Variants in DIAPH3 observed in about 807,000 individuals in gnomAD.
DIAPH3 encodes diaphanous related formin 3, also known as protein diaphanous homolog 3.
DIAPH3 carries 117 observed loss-of-function variants against 144.3 expected under a neutral mutation model. The ratio of observed to expected loss-of-function variants is 0.81; its 90% CI spans 0.70 to 0.95. DIAPH3 has a LOEUF of 0.95. Among genes scored for constraint, DIAPH3 ranks in the 40% least tolerant of loss-of-function variants. The probability of loss-of-function intolerance (pLI) is 0.00; values close to 1 mark genes in which losing one functional copy is unlikely to be tolerated. For synonymous variants in DIAPH3, 519 were observed against 488.9 expected, an observed-to-expected ratio of 1.06 and a Z score of -0.81; for missense variants, 1,421 against 1,412.7, an observed-to-expected ratio of 1.01 and a Z score of -0.09.
intron 5 of DIAPH3, among the ~76,000 whole-genome samples, chr13:60,024,343 T>A (rs2054239557): frequency 5.9e-5 from 9 of 152,216 alleles, no homozygotes; most frequent in Admixed American, 5.9e-4. Context: ...ATAGTCCAGT[T>A]CACTAATTCT....
chr13:59,748,938 G>T (rs2036840003), intron 27 of DIAPH3, among the ~76,000 whole-genome samples: 1 of 152,110 alleles, frequency 6.6e-6, no homozygotes, highest in South Asian at 2.1e-4. Flanking sequence ...GCCAGGTCAG[G>T]TGCGGTGGCT....
At chr13:59,685,050 C>T (rs2033144131) in intron 27 of DIAPH3, among the ~76,000 whole-genome samples, 1 of 151,930 alleles carries the variant, frequency 6.6e-6, no homozygotes, top group South Asian at 2.1e-4. Context: ...ATGGTAACAG[C>T]AATACACTTA....
intron 5 of DIAPH3, among the ~76,000 whole-genome samples, chr13:60,028,185 C>A (rs2054521497): frequency 6.6e-6 from 1 of 152,128 alleles, no homozygotes; most frequent in African/African-American, 2.4e-5. Flanking sequence ...AGATACCCCT[C>A]AAGTTAGTTC....
At chr13:59,813,839 A>G (rs1486800879) in intron 24 of DIAPH3, among the ~76,000 whole-genome samples, 1 of 150,608 alleles carries the variant, frequency 6.6e-6, no homozygotes, top group Non-Finnish European at 1.5e-5. Context: ...CAGCCTGGCA[A>G]CAGAGCAAGA....
In DIAPH3 at chr13:59,970,176, G is replaced by C. The variant is rs2050279702; in HGVS notation, c.1960-118C>G. ...AGCAGATATTTATAAAGTCGTATCT[G>C]TAAGATTTTTCCCTGAAGTGTGTTC... On this transcript the variant is annotated intron_variant, in intron 16 of 27. Transcript: ENST00000400324. 2.0e-5 allele frequency: 10 copies of C among 494,518 alleles called. No individual in the cohort carries two copies. The East Asian group carries it at 3.5e-4, about 17-fold the overall frequency. The allele number at this position is 494,518 out of a possible 1,614,324, so 30.6% of individuals were successfully genotyped here.
intron 2 of DIAPH3, among the ~76,000 whole-genome samples, chr13:60,132,719 C>T (rs532313437): frequency 1.3e-5 from 2 of 152,204 alleles, no homozygotes; most frequent in South Asian, 4.1e-4. Context: ...TCAAAGTTGA[C>T]TAACAATTTG....
At chr13:59,895,239 G>A (rs1047063481) in intron 20 of DIAPH3, among the ~76,000 whole-genome samples, 1 of 152,016 alleles carries the variant, frequency 6.6e-6, no homozygotes, top group African/African-American at 2.4e-5. Context: ...GGTGATGCTG[G>A]TGGCATATAA....
intron 3 of DIAPH3, among the ~76,000 whole-genome samples, chr13:60,108,922 T>C (rs2058491890): frequency 6.6e-6 from 1 of 152,114 alleles, no homozygotes; most frequent in Non-Finnish European, 1.5e-5. Context: ...TTAGGAAATA[T>C]GATGAGTTCA....
At chr13:59,886,293 G>A (rs1030155275) in intron 20 of DIAPH3, among the ~76,000 whole-genome samples, 3 of 152,008 alleles carry the variant, frequency 2.0e-5, no homozygotes, top group Admixed American at 2.0e-4. Context: ...GAACATCATT[G>A]AATATCAAAT....
chr13:60,157,187 C>T (rs953464956), intron 1 of DIAPH3, among the ~76,000 whole-genome samples: 4 of 151,980 alleles, frequency 2.6e-5, no homozygotes, highest in East Asian at 1.9e-4. Flanking sequence ...TCAAGTGATC[C>T]GCCTGCCTTG....
intron 27 of DIAPH3, among the ~76,000 whole-genome samples, chr13:59,696,433 C>T (rs1345017433): frequency 6.6e-6 from 1 of 152,186 alleles, no homozygotes; most frequent in Non-Finnish European, 1.5e-5. Flanking sequence ...ACATCACAAA[C>T]CTGTTACCAT....
intron 2 of DIAPH3, among the ~76,000 whole-genome samples, chr13:60,115,133 A>C (rs1254985628): frequency 6.6e-6 from 1 of 152,232 alleles, no homozygotes; most frequent in East Asian, 1.9e-4. Context: ...ATATTTATCA[A>C]TACTGTAAGT....
intron 23 of DIAPH3, among the ~76,000 whole-genome samples, chr13:59,833,615 T>A (rs1213410438): frequency 6.6e-6 from 1 of 151,824 alleles, no homozygotes; most frequent in Non-Finnish European, 1.5e-5. Context: ...TGCAGCTGAA[T>A]AATTGCAATG....
At chr13:59,866,117 C>G (rs1419173114) in intron 21 of DIAPH3, among the ~76,000 whole-genome samples, 1 of 151,824 alleles carries the variant, frequency 6.6e-6, no homozygotes, top group African/African-American at 2.4e-5. Context: ...AGAATACAAC[C>G]TGTGAATAAT....
chr13:59,871,973 C>T (rs993593536), intron 21 of DIAPH3, among the ~76,000 whole-genome samples: 4 of 152,122 alleles, frequency 2.6e-5, no homozygotes, highest in Admixed American at 6.6e-5. Flanking sequence ...TTTGTATCTT[C>T]TCTCTTTTTC....
chr13:60,016,744 A>G (rs973979479), intron 5 of DIAPH3, among the ~76,000 whole-genome samples: 1 of 152,256 alleles, frequency 6.6e-6, no homozygotes, highest in Admixed American at 6.5e-5. Flanking sequence ...CAGTTGCTTT[A>G]AAAACAAACA....
chr13:59,837,277 T>C (rs910674280), intron 23 of DIAPH3, among the ~76,000 whole-genome samples: 2 of 152,056 alleles, frequency 1.3e-5, no homozygotes, highest in African/African-American at 4.8e-5. Context: ...AATGAAAAAT[T>C]GTTTCCAACA....
At position 59,989,251 on chromosome 13, in the gene DIAPH3, C is replaced by A. The variant is rs1025382857; in HGVS notation, c.1361+1907G>T. ...CAACACTCATAGACGTGTACACCAA[C>A]AAGAGTAAGTTTTACTGTATGTAAA... is the stretch of plus-strand genomic sequence containing the variant. On this transcript the variant is annotated intron_variant, in intron 12 of 27. Coordinates refer to ENST00000400324, the MANE Select transcript of DIAPH3 (RefSeq NM_001042517.2). Among the ~76,000 whole-genome samples the A allele has an allele frequency of 5.3e-5, 8 of 151,404 alleles. No homozygotes were observed. The East Asian group carries it at 7.8e-4, about 15-fold the overall frequency.
intron 25 of DIAPH3, among the ~76,000 whole-genome samples, chr13:59,798,929 A>G (rs1202392274): frequency 2.6e-5 from 4 of 152,278 alleles, no homozygotes; most frequent in Non-Finnish European, 4.4e-5. Flanking sequence ...GGGCTAAGGA[A>G]ACAAGATTAG....
Sources: allele counts gnomAD v4.1 joint callset (sites outside exome capture counted in the v4.1 genomes callset), GRCh38; gene constraint gnomAD v4.1.1; transcripts MANE v1.5; gene names NCBI Gene and HGNC (gene_info 2026-07-23, HGNC 2026-07-21).